SEMA3D: variants seen among roughly 807,000 people sequenced by gnomAD.
The protein encoded by SEMA3D is semaphorin-3D.
A neutral mutation model predicts 100.1 loss-of-function variants in SEMA3D; 84 were observed. That is an observed-to-expected ratio of 0.84 (90% CI 0.70 to 1.01). The LOEUF is 1.01. Ranked by LOEUF, SEMA3D falls within the 50% of genes least tolerant of loss-of-function variation. The pLI is 0.00. For missense variants in SEMA3D, 875 were observed against 934.1 expected, an observed-to-expected ratio of 0.94 and a Z score of 0.82; for synonymous variants, 312 against 320.7, an observed-to-expected ratio of 0.97 and a Z score of 0.29.
At chr7:85,027,434 G>C (rs959858577) in intron 12 of SEMA3D, among the ~76,000 whole-genome samples, 1 of 152,032 alleles carries the variant, frequency 6.6e-6, no homozygotes, top group African/African-American at 2.4e-5. Flanking sequence ...GAAAACCAAT[G>C]TGAGTTGTAC....
At chr7:85,127,670 A>G (rs1789604053) in intron 2 of SEMA3D, among the ~76,000 whole-genome samples, 2 of 152,298 alleles carry the variant, frequency 1.3e-5, no homozygotes, top group Admixed American at 1.3e-4. Context: ...GAATGACTTT[A>G]TTGATATTCA....
At chr7:85,084,876 G>A (rs1271437468) in intron 4 of SEMA3D, among the ~76,000 whole-genome samples, 1 of 152,280 alleles carries the variant, frequency 6.6e-6, no homozygotes, top group East Asian at 1.9e-4. Context: ...ACACATAGAA[G>A]TCCATTTTGT....
intron 2 of SEMA3D, among the ~76,000 whole-genome samples, chr7:85,123,828 C>T (rs1789495555): frequency 1.3e-5 from 2 of 152,078 alleles, no homozygotes; most frequent in South Asian, 4.1e-4. Flanking sequence ...GGTTTAGATT[C>T]TCTTTCAATC....
intron 10 of SEMA3D, among the ~76,000 whole-genome samples, 175 bp from the exon 11 acceptor site, chr7:85,040,917 G>C (rs976965462): frequency 3.3e-5 from 5 of 152,032 alleles, no homozygotes; most frequent in Admixed American, 6.6e-5. Flanking sequence ...ACTATGTATG[G>C]TATGGTACAA....
intron 7 of SEMA3D, among the ~76,000 whole-genome samples, chr7:85,066,913 C>CACACACACACACACACAGAGAGAGAGAG: frequency 1.6e-5 from 2 of 127,760 alleles, no homozygotes; most frequent in African/African-American, 6.3e-5. Flanking sequence ...CACACACACA[C>CACACACACACACACACAGAGAGAGAGAG]AGAGAGAGAG....
chr7:85,164,705 G>T (rs1029294788), intron 1 of SEMA3D, among the ~76,000 whole-genome samples: 2 of 152,046 alleles, frequency 1.3e-5, no homozygotes, highest in African/African-American at 2.4e-5. Context: ...CACAAATTTT[G>T]TATAATACAT....
At chr7:85,080,699 G>T (rs1038254510) in intron 5 of SEMA3D, among the ~76,000 whole-genome samples, 1 of 152,088 alleles carries the variant, frequency 6.6e-6, no homozygotes, top group Non-Finnish European at 1.5e-5. Context: ...CAGAATATCT[G>T]TCCTGAATCA....
chr7:85,205,028 T>C, the SEMA3D span, among the ~76,000 whole-genome samples: 15 of 152,170 alleles, frequency 9.9e-5, no homozygotes, highest in Non-Finnish European at 1.6e-4. Flanking sequence ...TGCATTTCCC[T>C]AATGATTAGA....
intron 18 of SEMA3D, among the ~76,000 whole-genome samples, chr7:85,000,584 T>A (rs1320272889): frequency 6.6e-6 from 1 of 152,194 alleles, no homozygotes; most frequent in Non-Finnish European, 1.5e-5. Context: ...TGTATATATA[T>A]GTGATACTTT....
At chr7:85,175,515 C>A (rs1361384084) in intron 1 of SEMA3D, among the ~76,000 whole-genome samples, 1 of 152,182 alleles carries the variant, frequency 6.6e-6, no homozygotes, top group Non-Finnish European at 1.5e-5. Flanking sequence ...CCCCACAGTT[C>A]TGTGAAATGT....
chr7:85,086,631 C>CGT (rs58818289), intron 4 of SEMA3D, among the ~76,000 whole-genome samples: 3,329 of 140,836 alleles, frequency 0.024, 45 homozygotes, highest in East Asian at 0.046. Context: ...TCTCTCTCTC[C>CGT]GTGTGTGTGT....
intron 4 of SEMA3D, among the ~76,000 whole-genome samples, chr7:85,085,860 T>C (rs1268974646): frequency 6.6e-6 from 1 of 152,210 alleles, no homozygotes; most frequent in Non-Finnish European, 1.5e-5. Context: ...AATACAAATC[T>C]GTAAAAGATG....
At chr7:85,244,129 G>A in the SEMA3D span, among the ~76,000 whole-genome samples, 4,129 of 152,252 alleles carry the variant, frequency 0.027, 173 homozygotes, top group African/African-American at 0.084. Flanking sequence ...CTAAGGGCAT[G>A]GAACTGGCAT....
At chr7:85,027,532 T>G (rs1285308985) in intron 12 of SEMA3D, among the ~76,000 whole-genome samples, 1 of 152,020 alleles carries the variant, frequency 6.6e-6, no homozygotes, top group Non-Finnish European at 1.5e-5. Context: ...TTGAAAATAT[T>G]TTTTTCTTAA....
intron 6 of SEMA3D, among the ~76,000 whole-genome samples, chr7:85,069,226 A>G (rs1488704122): frequency 1.3e-5 from 2 of 152,288 alleles, no homozygotes; most frequent in South Asian, 2.1e-4. Flanking sequence ...GTAGAACACA[A>G]GCAATAAAGC....
At chr7:85,031,841 T>G (rs1260814048) in intron 12 of SEMA3D, among the ~76,000 whole-genome samples, 1 of 151,946 alleles carries the variant, frequency 6.6e-6, no homozygotes, top group Non-Finnish European at 1.5e-5. Flanking sequence ...AGAGATAGAA[T>G]CATAACTTTA....
chr7:85,138,946 G>A (rs1388468025), intron 2 of SEMA3D, among the ~76,000 whole-genome samples: 2 of 151,896 alleles, frequency 1.3e-5, no homozygotes, highest in Non-Finnish European at 1.5e-5. Context: ...TCTATTGGAC[G>A]TTCACCTGGC....
At chr7:85,041,482 T>C (rs1248318948) in intron 10 of SEMA3D, 1 of 152,150 alleles carries the variant, frequency 6.6e-6, no homozygotes, top group African/African-American at 2.4e-5. Flanking sequence ...TTACATACAA[T>C]AGGAGAGGTC....
chr7:85,120,507 A>C (rs1484738407), intron 3 of SEMA3D, among the ~76,000 whole-genome samples: 3 of 151,742 alleles, frequency 2.0e-5, no homozygotes, highest in African/African-American at 7.3e-5. Flanking sequence ...ATCTCTACTA[A>C]AGATACAAAA....
Sources: gnomAD v4.1 joint callset for allele counts (sites outside exome capture counted in the v4.1 genomes callset) on GRCh38, gnomAD v4.1.1 for gene constraint, MANE v1.5 for transcripts, NCBI Gene and HGNC (gene_info 2026-07-23, HGNC 2026-07-21) for gene names.